DOCK1: variants seen among roughly 807,000 people sequenced by gnomAD.
DOCK1 encodes dedicator of cytokinesis 1.
Under a neutral mutation model 262.7 loss-of-function variants are expected in DOCK1, and 138 were observed. That is an observed-to-expected ratio of 0.53 (90% CI 0.46 to 0.61). The LOEUF (loss-of-function observed/expected upper bound fraction) is 0.61. Among genes scored for constraint, DOCK1 ranks in the 20% least tolerant of loss-of-function variants. The probability of loss-of-function intolerance (pLI) is 0.00; values close to 1 mark genes in which losing one functional copy is unlikely to be tolerated. For synonymous variants in DOCK1, 866 were observed against 867.4 expected, an observed-to-expected ratio of 1.00 and a Z score of 0.03; for missense variants, 1,908 against 2,370.7, an observed-to-expected ratio of 0.80 and a Z score of 4.05.
At chr10:127,246,021 A>G (rs1405404656) in intron 27 of DOCK1, among the ~76,000 whole-genome samples, 1 of 152,158 alleles carries the variant, frequency 6.6e-6, no homozygotes, top group African/African-American at 2.4e-5. Context: ...CAGCGACTGC[A>G]TCAGGGTCAA....
At chr10:127,144,021 C>T (rs1375108418) in intron 27 of DOCK1, among the ~76,000 whole-genome samples, 1 of 152,176 alleles carries the variant, frequency 6.6e-6, no homozygotes, top group Non-Finnish European at 1.5e-5. Flanking sequence ...GCTCCTCCTG[C>T]CTCAGCATCC....
chr10:126,954,526 A>G (rs1366676110), intron 1 of DOCK1, among the ~76,000 whole-genome samples: 2 of 152,322 alleles, frequency 1.3e-5, no homozygotes, highest in South Asian at 2.1e-4. Flanking sequence ...ACCACCATCC[A>G]TTGCCAGAAC....
At chr10:127,367,139 T>G (rs2133983182) in intron 33 of DOCK1, among the ~76,000 whole-genome samples, 1 of 152,330 alleles carries the variant, frequency 6.6e-6, no homozygotes, top group South Asian at 2.1e-4. Flanking sequence ...AAACCATTAC[T>G]GGAATTTTAA....
intron 29 of DOCK1, among the ~76,000 whole-genome samples, chr10:127,273,919 G>A (rs1379282686): frequency 6.6e-6 from 1 of 151,996 alleles, no homozygotes; most frequent in Non-Finnish European, 1.5e-5. Flanking sequence ...AGATGATTTG[G>A]ATATGGGACC....
chr10:127,298,635 G>C (rs2061580073), intron 29 of DOCK1, among the ~76,000 whole-genome samples: 1 of 152,216 alleles, frequency 6.6e-6, no homozygotes, highest in Non-Finnish European at 1.5e-5. Flanking sequence ...TGGAAGCAAT[G>C]ATGAGCTCAG....
intron 22 of DOCK1, among the ~76,000 whole-genome samples, chr10:127,057,385 T>TAATTGAC (rs1450598278): frequency 6.6e-6 from 1 of 152,242 alleles, no homozygotes; most frequent in African/African-American, 2.4e-5. Flanking sequence ...AATTCCAGTA[T>TAATTGAC]AATTGACAGT....
intron 22 of DOCK1, among the ~76,000 whole-genome samples, chr10:127,059,700 T>G (rs1304701912): frequency 6.6e-6 from 1 of 152,246 alleles, no homozygotes; most frequent in Non-Finnish European, 1.5e-5. Flanking sequence ...TTTGTCATTT[T>G]TTTATCTTAT....
intron 2 of DOCK1, among the ~76,000 whole-genome samples, chr10:126,974,048 A>G (rs115619556): frequency 1.5e-4 from 23 of 152,318 alleles, no homozygotes; most frequent in African/African-American, 4.8e-4. Context: ...AACAAAGAAA[A>G]TGAGCTTTCT....
intron 16 of DOCK1, among the ~76,000 whole-genome samples, chr10:127,028,635 G>A (rs947281913): frequency 6.6e-6 from 1 of 152,178 alleles, no homozygotes; most frequent in Non-Finnish European, 1.5e-5. Flanking sequence ...CTTTTATTGA[G>A]TTCCTGCTGT....
chr10:126,955,923 T>C (rs1432046742), intron 1 of DOCK1, among the ~76,000 whole-genome samples: 1 of 152,004 alleles, frequency 6.6e-6, no homozygotes, highest in African/African-American at 2.4e-5. Flanking sequence ...CAAATAGTGG[T>C]GTTGAGGGTA....
At position 127,451,435 on chromosome 10, in the gene DOCK1, A is replaced by C. The variant is rs756661269; in HGVS notation, c.*8A>C. On this transcript the variant is annotated 3_prime_UTR_variant, in exon 52 of 52. Coordinates refer to ENST00000623213, the MANE Select transcript of DOCK1 (RefSeq NM_001290223.2). Reference sequence around the variant, plus strand: ...TCCGGGATCGTGCAGTGACGTCGCAAGCCTCTCTGGAAAGAGTGTGCTGCC... The same window carrying C: ...TCCGGGATCGTGCAGTGACGTCGCACGCCTCTCTGGAAAGAGTGTGCTGCC... 2 of 1,567,626 alleles carry C rather than the reference A, an allele frequency of 1.3e-6. No homozygotes were observed.
chr10:126,942,322 C>T lies in DOCK1; in HGVS notation c.47-28380C>T, dbSNP rs1003130389. On this transcript the variant is annotated intron_variant, in intron 1 of 51. Transcript: ENST00000623213. ...ATAGGTGTGAGCCACCGCGCCCAGC[C>T]GATATTTGCTCATTTTCTGAGTGTT... Among the ~76,000 whole-genome samples the T allele has an allele frequency of 2.9e-3, 436 of 152,254 alleles. 3 individuals carry two copies. The highest frequency in any genetic ancestry group is 0.01 in the African/African-American group (417 of 41,540).
chr10:127,093,219 T>TTTCTTTGTTTCTTTCTTTCTTTCTTTTC (rs149382008), intron 23 of DOCK1, among the ~76,000 whole-genome samples: 8 of 62,904 alleles, frequency 1.3e-4, no homozygotes, highest in Non-Finnish European at 2.0e-4. Context: ...TCTTTCTTTC[T>TTTCTTTGTTTCTTTCTTTCTTTCTTTTC]TTTCTTTCTT....
At chr10:126,922,460 A>G (rs1184537948) in intron 1 of DOCK1, among the ~76,000 whole-genome samples, 1 of 152,080 alleles carries the variant, frequency 6.6e-6, no homozygotes, top group Non-Finnish European at 1.5e-5. Context: ...TTAGTTTTAG[A>G]ATAATGACCA....
At chr10:127,404,297 T>G (rs1263855968) in intron 39 of DOCK1, 28 bp from the exon 40 acceptor site, 2 of 1,592,900 alleles carry the variant, frequency 1.3e-6, no homozygotes, top group Non-Finnish European at 1.7e-6. Context: ...TACTCAAACC[T>G]GAAATGCATT....
intron 1 of DOCK1, among the ~76,000 whole-genome samples, chr10:126,946,450 G>C (rs1379462386): frequency 6.6e-6 from 1 of 152,162 alleles, no homozygotes; most frequent in Admixed American, 6.6e-5. Context: ...GGGAGGCTGA[G>C]GCAGGAGAAT....
At chr10:127,280,194 C>A in intron 29 of DOCK1, among the ~76,000 whole-genome samples, 1 of 151,388 alleles carries the variant, frequency 6.6e-6, no homozygotes. Context: ...GCCACCGCAC[C>A]CGGCTAATTT....
chr10:127,026,074 AAAG>A, intron 15 of DOCK1: 1 of 252,898 alleles, frequency 4.0e-6, no homozygotes, highest in Non-Finnish European at 6.9e-6. Context: ...AAAAAAAAAG[AAAG>A]AAAAAAGAAT....
rs2032884278 is a variant in DOCK1, at chr10:126,918,987, G to GCACGGAGGATTTGGAGGAGGAGAA, written c.46+13424_46+13425insCACGGAGGATTTGGAGGAGGAGAA. On this transcript the variant is annotated intron_variant, in intron 1 of 51. Transcript: ENST00000623213. ...TTTGGAGGAGGAGAAAGCCGAGAGG[G>GCACGGAGGATTTGGAGGAGGAGAA]AGTGTGGGGGCCCTTCGGCCAAGCT... Among the ~76,000 whole-genome samples, 6 of 106,036 alleles carry GCACGGAGGATTTGGAGGAGGAGAA rather than the reference G, an allele frequency of 5.7e-5. No individual in the cohort carries two copies. In the East Asian group the frequency reaches 1.3e-3, roughly 23 times the overall value. 69.6% of individuals were successfully genotyped at this position (106,036 alleles called of 152,430 possible). A position where few individuals can be genotyped will look rare whatever the true frequency, so the allele number is the denominator to read the frequency against.
Sources: allele counts gnomAD v4.1 joint callset (sites outside exome capture counted in the v4.1 genomes callset), GRCh38; gene constraint gnomAD v4.1.1; transcripts MANE v1.5; gene names NCBI Gene and HGNC (gene_info 2026-07-23, HGNC 2026-07-21).